The following KPNA3 variants were observed in gnomAD, a reference collection of about 807,000 sequenced individuals.
The protein encoded by KPNA3 is importin subunit alpha-4.
Under a neutral mutation model 73.8 loss-of-function variants are expected in KPNA3, and 13 were observed. The ratio of observed to expected loss-of-function variants is 0.18; its 90% CI spans 0.11 to 0.28. KPNA3 has a LOEUF of 0.28. KPNA3 is among the 10% of genes least tolerant of loss of function. The pLI is 1.00. For missense variants in KPNA3, 360 were observed against 618.1 expected (o/e 0.58, Z 4.43); for synonymous variants, 186 against 206.9 (o/e 0.90, Z 0.87).
intron 6 of KPNA3, among the ~76,000 whole-genome samples, chr13:49,726,853 T>A (rs1594438159): frequency 6.7e-6 from 1 of 149,092 alleles, no homozygotes. Flanking sequence ...TGGGCGGGGG[T>A]GGGATGGGGG....
intron 2 of KPNA3, among the ~76,000 whole-genome samples, chr13:49,737,976 T>C (rs1375817104): frequency 6.6e-6 from 1 of 152,214 alleles, no homozygotes; most frequent in Non-Finnish European, 1.5e-5. Context: ...CGTGGCCAAA[T>C]ATAGCTCTTT....
At chr13:49,762,738 AG>A (rs929085194) in intron 1 of KPNA3, among the ~76,000 whole-genome samples, 7 of 151,876 alleles carry the variant, frequency 4.6e-5, no homozygotes, top group Admixed American at 4.6e-4. Flanking sequence ...GGTAGGCCGC[AG>A]GGTCCTCTGC....
At chr13:49,717,775 A>G (rs1314748300) in intron 10 of KPNA3, among the ~76,000 whole-genome samples, 1 of 152,240 alleles carries the variant, frequency 6.6e-6, no homozygotes, top group Non-Finnish European at 1.5e-5. Flanking sequence ...TTTTAAACTC[A>G]ATAAATGGTA....
chr13:49,752,746 G>A (rs1954674048), intron 1 of KPNA3, among the ~76,000 whole-genome samples: 1 of 152,010 alleles, frequency 6.6e-6, no homozygotes, highest in Non-Finnish European at 1.5e-5. Context: ...ATTATCAGAA[G>A]GGCTGGGCAC....
At chr13:49,731,875 C>T (rs565006620) in intron 6 of KPNA3, among the ~76,000 whole-genome samples, 1 of 152,206 alleles carries the variant, frequency 6.6e-6, no homozygotes, top group African/African-American at 2.4e-5. Flanking sequence ...TTGCAGCAAA[C>T]AAAAAGTCTG....
chr13:49,760,664 G>T (rs1426049232), intron 1 of KPNA3, among the ~76,000 whole-genome samples: 1 of 152,168 alleles, frequency 6.6e-6, no homozygotes, highest in African/African-American at 2.4e-5. Context: ...ATCCTCAGTG[G>T]TTCAGACAGC....
intron 1 of KPNA3, among the ~76,000 whole-genome samples, chr13:49,768,055 A>C (rs1229030799): frequency 3.3e-5 from 5 of 152,154 alleles, no homozygotes; most frequent in Admixed American, 1.3e-4. Flanking sequence ...CAAAGCAGGC[A>C]TATCACAAGG....
rs745679409 is a variant in KPNA3 at position 49,732,484 on chromosome 13, A to G, written c.288-18T>C. The G allele has an allele frequency of 5.3e-6, 8 of 1,514,480 alleles. No individual in the cohort carries two copies. In the South Asian group the frequency reaches 9.4e-5, roughly 18 times the overall value. 93.8% of individuals were successfully genotyped at this position (1,514,480 alleles called of 1,614,324 possible). ...ACAGTTTTCTAGGAAAATAAATATG[A>G]GAAATTAATTGCTATAATTTTCAAA... On this transcript the variant is annotated intron_variant, in intron 5 of 16. Coordinates refer to ENST00000261667, the MANE Select transcript of KPNA3 (RefSeq NM_002267.4).
chr13:49,751,355 C>G (rs902041330), intron 1 of KPNA3, among the ~76,000 whole-genome samples: 2 of 152,198 alleles, frequency 1.3e-5, no homozygotes, highest in African/African-American at 4.8e-5. Flanking sequence ...GAACAGGATT[C>G]AAACCTCCCA....
At chr13:49,711,573 A>G (rs2236327) in intron 10 of KPNA3, among the ~76,000 whole-genome samples, 4,130 of 152,332 alleles carry the variant, frequency 0.027, 241 homozygotes, top group East Asian at 0.2. Flanking sequence ...TGTGTCCCCA[A>G]CTGAAGTATA....
intron 9 of KPNA3, among the ~76,000 whole-genome samples, chr13:49,720,098 T>C (rs946174501): frequency 6.6e-6 from 1 of 152,196 alleles, no homozygotes; most frequent in African/African-American, 2.4e-5. Flanking sequence ...AAAACATTTG[T>C]TTTTAATAAC....
intron 1 of KPNA3, among the ~76,000 whole-genome samples, chr13:49,782,476 C>T (rs1271007726): frequency 1.3e-5 from 2 of 152,172 alleles, no homozygotes; most frequent in Admixed American, 1.3e-4. Flanking sequence ...TGTACACTAG[C>T]CATATGCTTA....
At position 49,725,483 on chromosome 13, in the gene KPNA3, T is replaced by C. The variant is rs1197022650; in HGVS notation, c.402A>G (p.Glu134=). ...CTATGTTAGTTAATGCCCAAGCAGC[T>C]TCAAACTGTAATGAAGGACTGTAAA... ...ERDDNPSLQF[E]AAWALTNIAS... Residue 134 remains glutamate (E), a synonymous_variant, in exon 7 of 17, where the codon GAA becomes GAG. Transcript: ENST00000261667. 3 of 1,611,064 alleles carry C rather than the reference T, an allele frequency of 1.9e-6. No homozygotes were observed. The highest frequency in any genetic ancestry group is 2.5e-6 in the Non-Finnish European group (3 of 1,178,048).
intron 7 of KPNA3, 127 bp downstream of exon 7, chr13:49,725,289 C>A: frequency 2.2e-6 from 1 of 459,714 alleles, no homozygotes; most frequent in Middle Eastern, 3.3e-4. Context: ...AGATATCGGT[C>A]ATCAAAAGTA....
At chr13:49,711,769 T>A (rs940278179) in intron 10 of KPNA3, among the ~76,000 whole-genome samples, 2 of 152,160 alleles carry the variant, frequency 1.3e-5, no homozygotes, top group African/African-American at 4.8e-5. Context: ...TCCTATTAGG[T>A]CATCCAAATT....
chr13:49,734,186 T>G (rs1281507137), intron 2 of KPNA3, among the ~76,000 whole-genome samples: 1 of 152,262 alleles, frequency 6.6e-6, no homozygotes, highest in Non-Finnish European at 1.5e-5. Flanking sequence ...TTTAACTGTA[T>G]TCTACAGGTT....
intron 3 of KPNA3, 29 bp downstream of exon 3, chr13:49,732,928 A>C (rs775809933): frequency 6.7e-7 from 1 of 1,484,714 alleles, no homozygotes; most frequent in South Asian, 1.2e-5. Flanking sequence ...AAATTATTTT[A>C]AAATCACTAT....
At chr13:49,789,384 C>T (rs12428108) in intron 1 of KPNA3, among the ~76,000 whole-genome samples, 3,100 of 152,142 alleles carry the variant, frequency 0.02, 106 homozygotes, top group Admixed American at 0.099. Flanking sequence ...AAGTCTCTCT[C>T]GATTGAATGA....
intron 15 of KPNA3, among the ~76,000 whole-genome samples, chr13:49,703,188 T>TTC (rs1318842871): frequency 2.1e-5 from 3 of 140,812 alleles, no homozygotes; most frequent in African/African-American, 5.2e-5. Context: ...TCTTTCTTTT[T>TTC]TTTTTTTTTT....
Sources: gnomAD v4.1 joint callset for allele counts (sites outside exome capture counted in the v4.1 genomes callset) on GRCh38, gnomAD v4.1.1 for gene constraint, MANE v1.5 for transcripts, NCBI Gene and HGNC (gene_info 2026-07-23, HGNC 2026-07-21) for gene names.